Variants in PPP2R1A observed in about 807,000 individuals in gnomAD.
PPP2R1A encodes the protein serine/threonine-protein phosphatase 2A 65 kDa regulatory subunit A alpha isoform.
PPP2R1A carries 15 observed loss-of-function variants against 67.1 expected under a neutral mutation model. The observed-to-expected ratio is 0.22, with a 90% CI of 0.15 to 0.34. The LOEUF is 0.34. Among genes scored for constraint, PPP2R1A ranks in the 10% least tolerant of loss-of-function variants. PPP2R1A has a pLI of 1.00. For missense variants in PPP2R1A, 369 were observed against 775.0 expected, an observed-to-expected ratio of 0.48 and a Z score of 6.22; for synonymous variants, 337 against 325.0, an observed-to-expected ratio of 1.04 and a Z score of -0.40.
chr19:52,223,940 C>T (rs1045592309), intron 13 of PPP2R1A, among the ~76,000 whole-genome samples: 3 of 152,004 alleles, frequency 2.0e-5, no homozygotes, highest in East Asian at 1.9e-4. Flanking sequence ...TCATAGTAGC[C>T]GTAAAAATGG....
rs1376923016 is a variant in PPP2R1A, at chr19:52,225,616, C to T, written c.1662-101C>T. On this transcript the variant is annotated intron_variant, in intron 13 of 14. Transcript: ENST00000322088. ...CCTCCCACCTTGGGTTTGGTGTATC[C>T]GTGTCTGTGTACACTCTCTTGCCCA... The T allele has an allele frequency of 3.0e-5, 31 of 1,043,434 alleles. No individual in the cohort carries two copies. In the East Asian group the frequency reaches 5.0e-4, roughly 17 times the overall value. 64.6% of individuals were successfully genotyped at this position (1,043,434 alleles called of 1,614,324 possible). A position where few individuals can be genotyped will look rare whatever the true frequency, so the allele number is the denominator to read the frequency against.
At position 52,211,561 on chromosome 19, in the gene PPP2R1A, T is replaced by A. The variant is rs1418216204; in HGVS notation, c.503+69T>A. 1 of 1,494,968 alleles carries A rather than the reference T, an allele frequency of 6.7e-7. No individual in the cohort carries two copies. Among genetic ancestry groups the A allele is most frequent in the East Asian group, 2.3e-5 (1 of 43,960 alleles). 92.6% of individuals were successfully genotyped at this position (1,494,968 alleles called of 1,614,324 possible). A position where few individuals can be genotyped will look rare whatever the true frequency, so the allele number is the denominator to read the frequency against. ...TCCAACCTTCTCTAAAGCCTCAGAC[T>A]CCTTTTGGTCTAGCTGGGGCCCAAA... On this transcript the variant is annotated intron_variant, in intron 4 of 14. Coordinates refer to ENST00000322088, the MANE Select transcript of PPP2R1A (RefSeq NM_014225.6). This position sits in a 1 kb window ranked among gnomAD's most constrained non-coding sequence, Gnocchi z 5.3.
At chr19:52,195,590 GA>G (rs1568585469) in intron 1 of PPP2R1A, among the ~76,000 whole-genome samples, 2 of 152,182 alleles carry the variant, frequency 1.3e-5, no homozygotes, top group Admixed American at 6.5e-5. Flanking sequence ...CAGAACTTCT[GA>G]TCTACCTGCT....
At position 52,212,426 on chromosome 19, in the gene PPP2R1A, C is replaced by T; in HGVS notation, c.504-260C>T. ...TTTATGGGAATGATGTAATCGTCAG[C>T]ACTTAGCATTGACTAGATTTATTAT... is the stretch of plus-strand genomic sequence containing the variant. On this transcript the variant is annotated intron_variant, in intron 4 of 14. Transcript: ENST00000322088. This position sits in a 1 kb window ranked among gnomAD's most constrained non-coding sequence, Gnocchi z 4.1. 1 of 503,504 alleles carries T rather than the reference C, an allele frequency of 2.0e-6. No homozygotes were observed. Among genetic ancestry groups the T allele is most frequent in the South Asian group, 2.3e-5 (1 of 43,336 alleles). The allele number at this position is 503,504 out of a possible 1,614,324, so 31.2% of individuals were successfully genotyped here. A position where few individuals can be genotyped will look rare whatever the true frequency, so the allele number is the denominator to read the frequency against.
rs571976461 is a variant in PPP2R1A, at chr19:52,203,245, A to G, written c.169+1211A>G. Among the ~76,000 whole-genome samples the G allele has an allele frequency of 5.2e-4, 79 of 152,292 alleles. 1 individual carries two copies. Among genetic ancestry groups the G allele is most frequent in the African/African-American group, 1.9e-3 (78 of 41,572 alleles). On this transcript the variant is annotated intron_variant, in intron 2 of 14. Coordinates refer to ENST00000322088, the MANE Select transcript of PPP2R1A (RefSeq NM_014225.6). ...GGCACAGCTAGTGACTGAGGGGTGC[A>G]GGTGTGTCTGACTGGATGGTGCATG...
Position 52,215,793 on chromosome 19 carries a change from G to A in PPP2R1A, c.822G>A (p.Val274=). 6.2e-7 allele frequency: 1 copy of A among 1,613,938 alleles called. No individual in the cohort carries two copies. Among genetic ancestry groups the A allele is most frequent in the Non-Finnish European group, 8.5e-7 (1 of 1,179,848 alleles). ...ADKFTELQKA[V]GPEITKTDLV... ...CCTGTCTGCAGCTCCAGAAAGCAGTGGGGCCTGAGATCACCAAGACAGACC... is the reference window on the plus strand; with the variant it reads ...CCTGTCTGCAGCTCCAGAAAGCAGTAGGGCCTGAGATCACCAAGACAGACC... The change falls in exon 7 of 15, where the codon GTG becomes GTA. Residue 274 remains valine (V), a synonymous_variant. Coordinates refer to ENST00000322088, the MANE Select transcript of PPP2R1A (RefSeq NM_014225.6).
rs546051910 is a variant in PPP2R1A at position 52,192,452 on chromosome 19, C to T, written c.78+2278C>T. Among the ~76,000 whole-genome samples the T allele has an allele frequency of 3.9e-5, 6 of 152,074 alleles. No homozygotes were observed. In the South Asian group the frequency reaches 8.3e-4, roughly 21 times the overall value. ...CCTCTTGAGTAGCTGGGACTACAGA[C>T]GCAGGCCACCACGCCTGGCTGATTT... On this transcript the variant is annotated intron_variant, in intron 1 of 14. Transcript: ENST00000322088.
chr19:52,212,677 G>C lies in PPP2R1A; in HGVS notation c.504-9G>C, dbSNP rs113850655. 6.2e-7 allele frequency: 1 copy of C among 1,611,878 alleles called. No homozygotes were observed. The highest frequency in any genetic ancestry group is 8.5e-7 in the Non-Finnish European group (1 of 1,179,964). ...CTGCTGCCTCAGGATCCCCGTCCCC[G>C]ACTCCCAGGTACTTCCGGAACCTGT... On this transcript the variant is annotated splice_polypyrimidine_tract_variant and intron_variant, in intron 4 of 14. Coordinates refer to ENST00000322088, the MANE Select transcript of PPP2R1A (RefSeq NM_014225.6). This position sits in a 1 kb window ranked among gnomAD's most constrained non-coding sequence, Gnocchi z 4.1.
intron 3 of PPP2R1A, among the ~76,000 whole-genome samples, chr19:52,208,359 G>A (rs1177710635): frequency 6.6e-6 from 1 of 151,788 alleles, no homozygotes; most frequent in African/African-American, 2.4e-5. Context: ...AGTAGAGACG[G>A]GGTTTCACTT....
chr19:52,211,731 C>G lies in PPP2R1A; in HGVS notation c.503+239C>G. Reference sequence around the variant, plus strand: ...AGGAATTGAGATGATGACAGGTCCTCCTTCCCACTGGTTAATGTGAGGATT... The same window carrying G: ...AGGAATTGAGATGATGACAGGTCCTGCTTCCCACTGGTTAATGTGAGGATT... On this transcript the variant is annotated intron_variant, in intron 4 of 14. Coordinates refer to ENST00000322088, the MANE Select transcript of PPP2R1A (RefSeq NM_014225.6). The surrounding 1 kb of genome is among the most constrained non-coding windows in gnomAD (Gnocchi z 5.3). 1.8e-6 allele frequency: 1 copy of G among 562,382 alleles called. No individual in the cohort carries two copies. The allele number at this position is 562,382 out of a possible 1,614,324, so 34.8% of individuals were successfully genotyped here. A position where few individuals can be genotyped will look rare whatever the true frequency, so the allele number is the denominator to read the frequency against.
In PPP2R1A at chr19:52,219,539, G is replaced by C. The variant is rs1203763370; in HGVS notation, c.1129-152G>C. 7 of 700,984 alleles carry C rather than the reference G, an allele frequency of 1.0e-5. No homozygotes were observed. The Admixed American group carries it at 2.4e-4, about 24-fold the overall frequency. 43.4% of individuals were successfully genotyped at this position (700,984 alleles called of 1,614,324 possible). A position where few individuals can be genotyped will look rare whatever the true frequency, so the allele number is the denominator to read the frequency against. On this transcript the variant is annotated intron_variant, in intron 9 of 14. Transcript: ENST00000322088. This position sits in a 1 kb window ranked among gnomAD's most constrained non-coding sequence, Gnocchi z 4.0. ...CCATGCTGCTTGCTTTTTGTGTGCC[G>C]TTAATGTGTTCCCAGAACGGGGAGC...
chr19:52,206,948 G>A (rs763173647), intron 3 of PPP2R1A, among the ~76,000 whole-genome samples: 2 of 151,984 alleles, frequency 1.3e-5, no homozygotes, highest in Non-Finnish European at 2.9e-5. Flanking sequence ...TTAGTTAGCA[G>A]CAGCCTTTCT....
intron 13 of PPP2R1A, among the ~76,000 whole-genome samples, chr19:52,224,205 A>C (rs544455207): frequency 6.6e-6 from 1 of 152,220 alleles, no homozygotes; most frequent in African/African-American, 2.4e-5. Flanking sequence ...GGAACTGTCA[A>C]CTGAAAGTGT....
Position 52,219,811 on chromosome 19 carries a change from T to C in PPP2R1A, c.1249T>C (p.Trp417Arg), listed in dbSNP as rs1978806008. 6.2e-7 allele frequency: 1 copy of C among 1,613,358 alleles called. No homozygotes were observed. The highest frequency in any genetic ancestry group is 8.5e-7 in the Non-Finnish European group (1 of 1,180,024). ...TGTGGAGCTGGCTGAGGACGCCAAG[T>C]GGCGGGTGCGGCTGGCCATCATTGA... The part of the protein sequence containing the change: ...AIVELAEDAK[W>R]RVRLAIIEYM... The change falls in exon 10 of 15, where the codon TGG (tryptophan) becomes CGG (arginine). Residue 417 changes from tryptophan (W) to arginine (R), a missense_variant. Transcript: ENST00000322088. This position sits in a 1 kb window ranked among gnomAD's most constrained non-coding sequence, Gnocchi z 4.0.
intron 13 of PPP2R1A, among the ~76,000 whole-genome samples, chr19:52,224,768 C>T (rs1041527784): frequency 3.9e-5 from 6 of 152,134 alleles, no homozygotes; most frequent in Admixed American, 2.6e-4. Context: ...GGTGCGATCT[C>T]GGCTCACTGC....
At chr19:52,210,454 G>A (rs1406065201) in intron 3 of PPP2R1A, among the ~76,000 whole-genome samples, 10 of 151,388 alleles carry the variant, frequency 6.6e-5, no homozygotes, top group African/African-American at 2.4e-4. Flanking sequence ...ACTAGCTTGG[G>A]CAAGCCAGGC....
At chr19:52,195,074 T>A (rs1381388276) in intron 1 of PPP2R1A, among the ~76,000 whole-genome samples, 1 of 152,226 alleles carries the variant, frequency 6.6e-6, no homozygotes, top group Non-Finnish European at 1.5e-5. Flanking sequence ...ATTCTGAATG[T>A]GCAGGGAAAA....
At chr19:52,195,929 G>A (rs887477028) in intron 1 of PPP2R1A, among the ~76,000 whole-genome samples, 1 of 152,104 alleles carries the variant, frequency 6.6e-6, no homozygotes. Flanking sequence ...GCCCCTCTCC[G>A]ATCCCTGGAG....
intron 2 of PPP2R1A, among the ~76,000 whole-genome samples, chr19:52,205,560 A>G (rs879321388): frequency 3.9e-5 from 6 of 152,324 alleles, no homozygotes; most frequent in Admixed American, 2.6e-4. Flanking sequence ...CAGAGGGAAC[A>G]GTGCTGAGGG....
Sources: allele counts gnomAD v4.1 joint callset (sites outside exome capture counted in the v4.1 genomes callset), GRCh38; gene constraint gnomAD v4.1.1; non-coding constraint Gnocchi (gnomAD v3.1); transcripts MANE v1.5; gene names NCBI Gene and HGNC (gene_info 2026-07-23, HGNC 2026-07-21).